WARS1: variants seen among roughly 807,000 people sequenced by gnomAD.
WARS1 encodes the protein tryptophanyl-tRNA synthetase 1.
A neutral mutation model predicts 47.8 loss-of-function variants in WARS1; 17 were observed. That is an observed-to-expected ratio of 0.36 (90% CI 0.24 to 0.53). WARS1 has a LOEUF of 0.53. WARS1 is among the 20% of genes least tolerant of loss of function. The pLI is 0.91. For synonymous variants in WARS1, 208 were observed against 228.1 expected (o/e 0.91, Z 0.79); for missense variants, 434 against 608.0 (o/e 0.71, Z 3.01).
intron 7 of WARS1, among the ~76,000 whole-genome samples, chr14:100,345,977 C>G (rs1298278297): frequency 1.3e-5 from 2 of 152,224 alleles, no homozygotes; most frequent in African/African-American, 2.4e-5. Flanking sequence ...ACGCTCCTCA[C>G]GGAGAGCCCC....
intron 4 of WARS1, among the ~76,000 whole-genome samples, chr14:100,359,832 T>C (rs1385843252): frequency 6.6e-6 from 1 of 152,072 alleles, no homozygotes; most frequent in Non-Finnish European, 1.5e-5. Flanking sequence ...ACCCAGAAAG[T>C]GGGTTGAGCA....
chr14:100,345,258 A>G (rs1208001947), intron 7 of WARS1, among the ~76,000 whole-genome samples: 2 of 151,780 alleles, frequency 1.3e-5, no homozygotes, highest in African/African-American at 2.4e-5. Flanking sequence ...AAGATTGAGA[A>G]ATCGGATGGT....
chr14:100,371,915 C>T (rs559598535), intron 1 of WARS1, among the ~76,000 whole-genome samples: 4 of 152,100 alleles, frequency 2.6e-5, no homozygotes, highest in African/African-American at 4.8e-5. Context: ...GTGACCGGCA[C>T]GTACACATCC....
At chr14:100,347,503 C>A (rs548603069) in intron 6 of WARS1, among the ~76,000 whole-genome samples, 1 of 152,128 alleles carries the variant, frequency 6.6e-6, no homozygotes, top group South Asian at 2.1e-4. Context: ...GCATCCATTC[C>A]ACTACCAGAA....
chr14:100,339,113 A>ACG (rs1893951581), intron 9 of WARS1, among the ~76,000 whole-genome samples: 1 of 35,580 alleles, frequency 2.8e-5, no homozygotes, highest in Non-Finnish European at 1.0e-4. Context: ...TCACACACAC[A>ACG]CACACACACA....
chr14:100,344,740 G>A (rs542683606), intron 7 of WARS1, among the ~76,000 whole-genome samples: 4 of 150,000 alleles, frequency 2.7e-5, no homozygotes, highest in Non-Finnish European at 5.9e-5. Flanking sequence ...CCGCCGCCCC[G>A]TCTGGGATGT....
intron 4 of WARS1, among the ~76,000 whole-genome samples, chr14:100,357,405 A>T (rs1404802092): frequency 6.6e-6 from 1 of 152,234 alleles, no homozygotes; most frequent in African/African-American, 2.4e-5. Context: ...AAAAAGCATT[A>T]GCGCTAATAA....
At chr14:100,362,043 C>A in intron 2 of WARS1, 122 bp from the exon 3 acceptor site, 1 of 1,001,510 alleles carries the variant, frequency 1.0e-6, no homozygotes, top group Non-Finnish European at 1.5e-6. Context: ...GTTAGTGTCA[C>A]AACCCTACAA....
chr14:100,368,990 C>A, intron 2 of WARS1, 97 bp downstream of exon 2: 1 of 840,992 alleles, frequency 1.2e-6, no homozygotes, highest in Admixed American at 3.4e-5. Context: ...ACCAAAACAC[C>A]TCAGTCATTG....
At chr14:100,349,384 C>A (rs1296251751) in intron 6 of WARS1, among the ~76,000 whole-genome samples, 2 of 152,124 alleles carry the variant, frequency 1.3e-5, no homozygotes, top group African/African-American at 4.8e-5. Flanking sequence ...TGCTGTACCC[C>A]CACCATGAGT....
intron 4 of WARS1, among the ~76,000 whole-genome samples, chr14:100,358,762 T>G (rs546967608): frequency 1.3e-5 from 2 of 152,270 alleles, no homozygotes; most frequent in East Asian, 3.9e-4. Context: ...GAGCAAATAT[T>G]TGCAAGTAAT....
At chr14:100,356,639 T>G (rs1289761643) in intron 4 of WARS1, among the ~76,000 whole-genome samples, 1 of 151,894 alleles carries the variant, frequency 6.6e-6, no homozygotes, top group Non-Finnish European at 1.5e-5. Flanking sequence ...ACAAAAAGAC[T>G]GAATTAGTAA....
chr14:100,353,181 T>C (rs1201376341), intron 6 of WARS1: 1 of 152,594 alleles, frequency 6.6e-6, no homozygotes, highest in Non-Finnish European at 1.5e-5. Context: ...CACTTAATCC[T>C]TTCTATGTAC....
chr14:100,336,891 C>T (rs1893770316), intron 10 of WARS1, 171 bp downstream of exon 10: 1 of 822,376 alleles, frequency 1.2e-6, no homozygotes, highest in African/African-American at 1.7e-5. Flanking sequence ...GTTCATGAGG[C>T]TTCTGAGCCC....
chr14:100,353,727 T>C lies in WARS1; in HGVS notation c.685A>G (p.Ile229Val). The change falls in exon 6 of 11, where the codon ATC (isoleucine) becomes GTC (valine). Residue 229 changes from isoleucine (I) to valine (V), a missense_variant. Ile to Val is a conservative substitution (Grantham distance 29, BLOSUM62 3). Around this residue, in one of 2 missense-constraint regions of WARS1, gnomAD observed 347 missense variants for 523.8 expected, o/e 0.66. Transcript: ENST00000392882. ...TCAGAGAATATGAAAGTCTTGTTGA[T>C]GTCAAAGCCACAGGCGATGATGTCC... ...AKDIIACGFDINKTFIFSDLD... is the reference protein window; with the variant it reads ...AKDIIACGFDVNKTFIFSDLD... The C allele has an allele frequency of 6.2e-7, 1 of 1,614,192 alleles. No homozygotes were observed.
intron 6 of WARS1, among the ~76,000 whole-genome samples, chr14:100,349,103 C>T (rs143938679): frequency 6.6e-6 from 1 of 152,300 alleles, no homozygotes; most frequent in East Asian, 1.9e-4. Context: ...CCAGGGAGGG[C>T]ACCTGCTTTT....
intron 6 of WARS1, among the ~76,000 whole-genome samples, chr14:100,351,861 C>T (rs1244825291): frequency 3.3e-5 from 5 of 151,796 alleles, no homozygotes; most frequent in African/African-American, 4.8e-5. Flanking sequence ...GACATGGTGG[C>T]GGGCACCTGT....
At chr14:100,353,284 T>C (rs372906866) in intron 6 of WARS1, among the ~76,000 whole-genome samples, 7 of 152,240 alleles carry the variant, frequency 4.6e-5, no homozygotes. Flanking sequence ...GGAGTCTCGC[T>C]CTGTTGCCCA....
At chr14:100,364,060 T>C (rs2140055186) in intron 2 of WARS1, among the ~76,000 whole-genome samples, 1 of 152,336 alleles carries the variant, frequency 6.6e-6, no homozygotes, top group Non-Finnish European at 1.5e-5. Context: ...AGGTGCTCTC[T>C]GCTTGCTGTT....
Sources: allele counts gnomAD v4.1 joint callset (sites outside exome capture counted in the v4.1 genomes callset), GRCh38; gene constraint gnomAD v4.1.1; regional missense constraint gnomAD v4.1.1; transcripts MANE v1.5; gene names NCBI Gene and HGNC (gene_info 2026-07-23, HGNC 2026-07-21).